Variants in PHGDH observed in about 807,000 individuals in gnomAD.
PHGDH encodes phosphoglycerate dehydrogenase.
A neutral mutation model predicts 52.6 loss-of-function variants in PHGDH; 50 were observed. The ratio of observed to expected loss-of-function variants is 0.95; its 90% CI spans 0.76 to 1.20. The LOEUF (loss-of-function observed/expected upper bound fraction) is 1.20, where lower values mean the gene tolerates loss of function less well. Ranked by LOEUF, PHGDH falls within the 50% of genes most tolerant of loss-of-function variation. The pLI, the probability that PHGDH is intolerant of heterozygous loss-of-function variation, is 0.00. For synonymous variants in PHGDH, 271 were observed against 280.5 expected (o/e 0.97, Z 0.34); for missense variants, 630 against 684.6 (o/e 0.92, Z 0.89).
In PHGDH at chr1:119,743,981, C is replaced by T. The variant is rs148721434; in HGVS notation, c.1543C>T (p.Leu515=). 1.3e-4 allele frequency: 207 copies of T among 1,613,830 alleles called. No homozygotes were observed. The highest frequency in any genetic ancestry group is 1.6e-4 in the Non-Finnish European group (193 of 1,179,794). Residue 515 remains leucine, a synonymous_variant, in exon 12 of 12, where the codon CTG becomes TTG. Coordinates refer to ENST00000641023, the MANE Select transcript of PHGDH (RefSeq NM_006623.4). ...GCACGTCATGGGCATCTCCTCCTTG[C>T]TGCCCAGCCTGGAAGCGTGGAAGCA... ...TWHVMGISSL[L]PSLEAWKQHV...
At chr1:119,726,123 C>G (rs898976214) in intron 3 of PHGDH, among the ~76,000 whole-genome samples, 2 of 151,674 alleles carry the variant, frequency 1.3e-5, no homozygotes, top group African/African-American at 4.9e-5. Context: ...CTCCAGAAAA[C>G]ACAGATGTAG....
At chr1:119,721,381 C>T (rs1289815508) in intron 2 of PHGDH, 60 bp downstream of exon 2, 1 of 1,534,326 alleles carries the variant, frequency 6.5e-7, no homozygotes, top group African/African-American at 1.4e-5. Context: ...AGACTGACCA[C>T]ACCTAGGGAG....
intron 5 of PHGDH, chr1:119,727,761 G>C (rs1321546354): frequency 6.5e-6 from 1 of 153,326 alleles, no homozygotes; most frequent in East Asian, 1.9e-4. Flanking sequence ...GTGAACCCGG[G>C]AGGCGGAGCT....
intron 8 of PHGDH, among the ~76,000 whole-genome samples, chr1:119,737,575 T>G (rs938632893): frequency 6.6e-6 from 1 of 152,042 alleles, no homozygotes; most frequent in Non-Finnish European, 1.5e-5. Context: ...CCACATGCCG[T>G]GGGAGTGAAG....
intron 10 of PHGDH, chr1:119,742,104 T>C: frequency 1.7e-6 from 1 of 604,264 alleles, no homozygotes; most frequent in Non-Finnish European, 3.0e-6. Context: ...GCTTTGTGTA[T>C]GAGTGCTGTG....
At chr1:119,734,176 T>A in intron 5 of PHGDH, 1 of 292,342 alleles carries the variant, frequency 3.4e-6, no homozygotes, top group Non-Finnish European at 6.6e-6. Flanking sequence ...CTCCCTTTCC[T>A]GGCTGTCCGC....
At chr1:119,713,479 A>G (rs915469225) in intron 1 of PHGDH, 1 of 152,370 alleles carries the variant, frequency 6.6e-6, no homozygotes, top group African/African-American at 2.4e-5. Flanking sequence ...GTTAGGGAGC[A>G]TGGCTAATAC....
chr1:119,733,304 G>GAAGTCCTC (rs1651782661), intron 5 of PHGDH, among the ~76,000 whole-genome samples: 1 of 151,714 alleles, frequency 6.6e-6, no homozygotes, highest in African/African-American at 2.4e-5. Flanking sequence ...TACTGAATTT[G>GAAGTCCTC]AAGTCCTCTT....
intron 1 of PHGDH, chr1:119,719,954 C>T (rs1010833685): frequency 2.0e-5 from 3 of 152,152 alleles, no homozygotes; most frequent in Admixed American, 2.0e-4. Flanking sequence ...GGTGAATTAC[C>T]GCAGTGACCC....
chr1:119,724,470 G>A (rs1651309513), intron 3 of PHGDH: 1 of 330,568 alleles, frequency 3.0e-6, no homozygotes, highest in Non-Finnish European at 5.8e-6. Flanking sequence ...ATATTCACTG[G>A]TAGGTGAAAG....
intron 1 of PHGDH, among the ~76,000 whole-genome samples, chr1:119,717,431 C>T (rs1650985223): frequency 6.6e-6 from 1 of 151,904 alleles, no homozygotes; most frequent in Admixed American, 6.6e-5. Context: ...ATATTTTCTT[C>T]CAGAGTTTCT....
intron 11 of PHGDH, 45 bp downstream of exon 11, chr1:119,743,089 G>A (rs774685938): frequency 2.4e-6 from 3 of 1,274,510 alleles, no homozygotes; most frequent in Middle Eastern, 1.8e-4. Flanking sequence ...TGAGGCTGGG[G>A]TGGGGTCTGC....
intron 5 of PHGDH, among the ~76,000 whole-genome samples, chr1:119,734,141 C>T (rs1439650559): frequency 3.9e-5 from 6 of 152,198 alleles, no homozygotes; most frequent in Non-Finnish European, 8.8e-5. Context: ...ACTGGACCCT[C>T]CAGCTGCAGC....
intron 1 of PHGDH, among the ~76,000 whole-genome samples, chr1:119,715,214 G>A (rs962176053): frequency 3.3e-5 from 5 of 152,086 alleles, no homozygotes; most frequent in African/African-American, 1.2e-4. Flanking sequence ...ATGCATTCTG[G>A]TATTTTCTTC....
intron 1 of PHGDH, chr1:119,715,831 G>C (rs1557964406): frequency 6.6e-6 from 1 of 152,266 alleles, no homozygotes; most frequent in South Asian, 2.1e-4. Context: ...TGTGTAGAGA[G>C]AGACTTGCTT....
intron 9 of PHGDH, among the ~76,000 whole-genome samples, chr1:119,740,846 T>C (rs983842676): frequency 6.6e-6 from 1 of 152,162 alleles, no homozygotes; most frequent in Admixed American, 6.5e-5. Flanking sequence ...GAGGCCCTAA[T>C]TAAGCAACAG....
At chr1:119,730,450 TA>T (rs1557974001) in intron 5 of PHGDH, among the ~76,000 whole-genome samples, 2 of 152,364 alleles carry the variant, frequency 1.3e-5, no homozygotes, top group South Asian at 2.1e-4. Context: ...CTCCTCACGG[TA>T]AACATCAGTT....
chr1:119,712,112 G>T lies in PHGDH; in HGVS notation c.90G>T (p.Val30=). 2 of 1,614,110 alleles carry T rather than the reference G, an allele frequency of 1.2e-6. No homozygotes were observed. The highest frequency in any genetic ancestry group is 1.7e-6 in the Non-Finnish European group (2 of 1,179,928). ...RKILQDGGLQ[V]VEKQNLSKEE... ...TCTTGCAAGATGGAGGGCTGCAGGT[G>T]GTGGAAAAGCAGAACCTTAGCAAAG... is the stretch of plus-strand genomic sequence containing the variant. The change falls in exon 1 of 12, where the codon GTG becomes GTT. Residue 30 remains valine (V), a synonymous_variant. Coordinates refer to ENST00000641023, the MANE Select transcript of PHGDH (RefSeq NM_006623.4).
At chr1:119,723,741 G>T (rs587618232) in intron 3 of PHGDH, among the ~76,000 whole-genome samples, 11 of 151,684 alleles carry the variant, frequency 7.3e-5, no homozygotes, top group African/African-American at 2.7e-4. Context: ...TCCATACCCT[G>T]CTGCCTGGAG....
Sources: allele counts gnomAD v4.1 joint callset (sites outside exome capture counted in the v4.1 genomes callset), GRCh38; gene constraint gnomAD v4.1.1; transcripts MANE v1.5; gene names NCBI Gene and HGNC (gene_info 2026-07-23, HGNC 2026-07-21).